SYCP2: variants seen among roughly 807,000 people sequenced by gnomAD.
SYCP2 encodes synaptonemal complex protein 2.
A neutral mutation model predicts 211.3 loss-of-function variants in SYCP2; 55 were observed. The ratio of observed to expected loss-of-function variants is 0.26; its 90% CI spans 0.21 to 0.33. SYCP2 has a LOEUF of 0.33. Among genes scored for constraint, SYCP2 ranks in the 10% least tolerant of loss-of-function variants. The pLI, the probability that SYCP2 is intolerant of heterozygous loss-of-function variation, is 1.00. For missense variants in SYCP2, 1,731 were observed against 1,752.0 expected, an observed-to-expected ratio of 0.99 and a Z score of 0.21; for synonymous variants, 570 against 555.2, an observed-to-expected ratio of 1.03 and a Z score of -0.37.
intron 44 of SYCP2, 44 bp from the exon 45 acceptor site, chr20:59,864,432 C>A: frequency 7.6e-7 from 1 of 1,318,478 alleles, no homozygotes; most frequent in Non-Finnish European, 1.1e-6. Context: ...TTCACATTTT[C>A]GCTGTAAAAC....
chr20:59,869,722 TA>T, intron 36 of SYCP2, 75 bp downstream of exon 36: 2 of 773,296 alleles, frequency 2.6e-6, no homozygotes, highest in Non-Finnish European at 4.1e-6. Context: ...TAATTACCAC[TA>T]AAGGTCAGTA....
At chr20:59,922,103 C>T (rs776347679) in intron 3 of SYCP2, among the ~76,000 whole-genome samples, 1 of 151,490 alleles carries the variant, frequency 6.6e-6, no homozygotes, top group Non-Finnish European at 1.5e-5. Context: ...AAACTTAATA[C>T]AAAAATATCC....
intron 7 of SYCP2, among the ~76,000 whole-genome samples, chr20:59,916,959 A>T (rs1219860515): frequency 6.6e-6 from 1 of 152,116 alleles, no homozygotes; most frequent in African/African-American, 2.4e-5. Context: ...AGGATATACT[A>T]CTGCAGTTCA....
intron 25 of SYCP2, among the ~76,000 whole-genome samples, chr20:59,886,324 AG>A (rs1387478332): frequency 6.6e-6 from 1 of 152,126 alleles, no homozygotes; most frequent in Non-Finnish European, 1.5e-5. Context: ...AAGACTGCAA[AG>A]AATGTACTAT....
At chr20:59,910,960 A>C (rs1300008661) in intron 14 of SYCP2, among the ~76,000 whole-genome samples, 1 of 152,132 alleles carries the variant, frequency 6.6e-6, no homozygotes, top group East Asian at 1.9e-4. Context: ...CAATAAAGGC[A>C]TGTGGAAATC....
At chr20:59,909,414 C>A (rs1199480270) in intron 14 of SYCP2, among the ~76,000 whole-genome samples, 1 of 152,184 alleles carries the variant, frequency 6.6e-6, no homozygotes, top group Non-Finnish European at 1.5e-5. Context: ...CGTTATATCT[C>A]AAAACCATCC....
intron 33 of SYCP2, among the ~76,000 whole-genome samples, chr20:59,876,821 A>C (rs542012725): frequency 1.3e-5 from 2 of 152,132 alleles, no homozygotes; most frequent in African/African-American, 4.8e-5. Flanking sequence ...TATTTTTCCC[A>C]TAATTGGAGT....
chr20:59,870,786 A>T (rs754729323), intron 35 of SYCP2, among the ~76,000 whole-genome samples: 2 of 151,852 alleles, frequency 1.3e-5, no homozygotes, highest in Non-Finnish European at 2.9e-5. Context: ...GCCAGTAAAC[A>T]GTAAAATCTA....
chr20:59,918,511 T>C (rs1372872543), intron 7 of SYCP2, among the ~76,000 whole-genome samples: 1 of 152,180 alleles, frequency 6.6e-6, no homozygotes, highest in Non-Finnish European at 1.5e-5. Context: ...TCAAAATCCA[T>C]TTAATTGTGC....
chr20:59,925,949 A>G (rs1377679706), intron 2 of SYCP2, among the ~76,000 whole-genome samples: 9 of 152,024 alleles, frequency 5.9e-5, no homozygotes, highest in Non-Finnish European at 1.3e-4. Context: ...TGTGGAAATA[A>G]TAGCTCTGAA....
intron 2 of SYCP2, among the ~76,000 whole-genome samples, chr20:59,926,480 C>G (rs992041613): frequency 1.3e-5 from 2 of 152,028 alleles, no homozygotes; most frequent in East Asian, 3.9e-4. Flanking sequence ...ACATTGTCTT[C>G]TATGCATATC....
At chr20:59,872,990 G>A (rs2059484336) in intron 35 of SYCP2, among the ~76,000 whole-genome samples, 2 of 152,128 alleles carry the variant, frequency 1.3e-5, no homozygotes, top group South Asian at 4.1e-4. Flanking sequence ...AATATATATT[G>A]AAAAGAAATT....
chr20:59,883,163 A>G (rs2059717898), intron 26 of SYCP2, among the ~76,000 whole-genome samples: 1 of 152,162 alleles, frequency 6.6e-6, no homozygotes, highest in Admixed American at 6.6e-5. Context: ...AGCCTGACCA[A>G]TATGGTGAAA....
At chr20:59,865,323 C>CA (rs371050307) in intron 44 of SYCP2, 65 bp downstream of exon 44, 6 of 1,327,264 alleles carry the variant, frequency 4.5e-6, no homozygotes, top group Middle Eastern at 1.9e-4. Flanking sequence ...AGCACACACA[C>CA]AAAAAAATCA....
At chr20:59,906,038 T>A (rs1035027400) in intron 15 of SYCP2, among the ~76,000 whole-genome samples, 14 of 152,076 alleles carry the variant, frequency 9.2e-5, no homozygotes, top group African/African-American at 3.4e-4. Flanking sequence ...TCAAAAGACT[T>A]ATACAATGAA....
intron 24 of SYCP2, among the ~76,000 whole-genome samples, chr20:59,889,231 CTTGAG>C (rs776628157): frequency 1.3e-5 from 2 of 151,274 alleles, no homozygotes; most frequent in East Asian, 1.9e-4. Flanking sequence ...AAACTAAGCA[CTTGAG>C]TTAATAATCA....
At chr20:59,879,798 T>A (rs2059631250) in intron 31 of SYCP2, among the ~76,000 whole-genome samples, 1 of 139,328 alleles carries the variant, frequency 7.2e-6, no homozygotes, top group East Asian at 2.1e-4. Flanking sequence ...AGCAAGAAGA[T>A]GGGATATTTA....
chr20:59,927,984 G>A (rs2060665405), intron 2 of SYCP2, among the ~76,000 whole-genome samples: 1 of 152,136 alleles, frequency 6.6e-6, no homozygotes, highest in Admixed American at 6.5e-5. Context: ...AAAATGCAGG[G>A]CTGGAAAGGT....
At chr20:59,909,856 A>G (rs1355087320) in intron 14 of SYCP2, among the ~76,000 whole-genome samples, 1 of 152,228 alleles carries the variant, frequency 6.6e-6, no homozygotes. Context: ...ACAATGTGGA[A>G]TAATGTGGTT....
Sources: allele counts gnomAD v4.1 joint callset (sites outside exome capture counted in the v4.1 genomes callset), GRCh38; gene constraint gnomAD v4.1.1; transcripts MANE v1.5; gene names NCBI Gene and HGNC (gene_info 2026-07-23, HGNC 2026-07-21).